ADCY5: variants seen among roughly 807,000 people sequenced by gnomAD.
ADCY5 encodes adenylate cyclase type 5.
A neutral mutation model predicts 119.7 loss-of-function variants in ADCY5; 30 were observed. That is an observed-to-expected ratio of 0.25 (90% CI 0.19 to 0.34). The LOEUF (loss-of-function observed/expected upper bound fraction) is 0.34. Ranked by LOEUF, ADCY5 falls within the 10% of genes least tolerant of loss-of-function variation. The probability of loss-of-function intolerance (pLI) is 1.00; values close to 1 mark genes in which losing one functional copy is unlikely to be tolerated. For missense variants in ADCY5, 1,324 were observed against 1,775.2 expected, an observed-to-expected ratio of 0.75 and a Z score of 4.57; for synonymous variants, 753 against 762.2, an observed-to-expected ratio of 0.99 and a Z score of 0.20.
intron 12 of ADCY5, among the ~76,000 whole-genome samples, chr3:123,310,395 C>A (rs1366788510): frequency 6.6e-6 from 1 of 152,074 alleles, no homozygotes; most frequent in Non-Finnish European, 1.5e-5. Flanking sequence ...GTGGAGCTGG[C>A]CAAAGAGGGA....
chr3:123,295,939 A>G, intron 17 of ADCY5, 145 bp downstream of exon 17: 1 of 1,192,308 alleles, frequency 8.4e-7, no homozygotes, highest in Non-Finnish European at 1.2e-6. Context: ...ACAGGGCACC[A>G]AGTGGCTTCG....
intron 1 of ADCY5, among the ~76,000 whole-genome samples, chr3:123,397,893 G>T (rs1196441697): frequency 6.6e-6 from 1 of 152,190 alleles, no homozygotes; most frequent in Non-Finnish European, 1.5e-5. Flanking sequence ...CAGTGAAGGG[G>T]ACTGTGTGGG....
At chr3:123,321,170 C>T (rs1435162529) in intron 8 of ADCY5, among the ~76,000 whole-genome samples, 3 of 152,176 alleles carry the variant, frequency 2.0e-5, no homozygotes, top group Non-Finnish European at 4.4e-5. Flanking sequence ...GCTGCACAAT[C>T]TCTGTCACAC....
At chr3:123,436,827 A>G (rs1250099386) in intron 1 of ADCY5, among the ~76,000 whole-genome samples, 2 of 152,228 alleles carry the variant, frequency 1.3e-5, no homozygotes, top group Non-Finnish European at 2.9e-5. Context: ...AATGGAAGAG[A>G]GAGGCCCAAG....
At chr3:123,368,034 C>A in intron 1 of ADCY5, 2 of 1,475,424 alleles carry the variant, frequency 1.4e-6, no homozygotes, top group Non-Finnish European at 1.8e-6. Flanking sequence ...GATCCAGGGG[C>A]CCCAGAGATT....
chr3:123,373,758 GCCCCCCCCCCCCCGA>G lies in ADCY5; in HGVS notation c.1135-21192_1135-21178del, dbSNP rs1230042859. ...TTAGCCAACAGGCCAGAAGCATCAC[GCCCCCCCCCCCCCGA>G]CCCCCCCGCAGGTAGCAGAGGATCA... On this transcript the variant is annotated intron_variant, in intron 1 of 20. Transcript: ENST00000462833. Among the ~76,000 whole-genome samples the G allele has an allele frequency of 1.9e-4, 7 of 37,092 alleles. No homozygotes were observed. The South Asian group carries it at 3.4e-3, about 18-fold the overall frequency. The allele number at this position is 37,092 out of a possible 152,430, so 24.3% of individuals were successfully genotyped here. A position where few individuals can be genotyped will look rare whatever the true frequency, so the allele number is the denominator to read the frequency against.
intron 8 of ADCY5, among the ~76,000 whole-genome samples, chr3:123,324,064 C>T (rs6806851): frequency 0.66 from 99,953 of 151,902 alleles, 35,293 homozygotes; most frequent in Non-Finnish European, 0.8. Context: ...TGGGGAAGGC[C>T]AGGTTTCTCC....
intron 1 of ADCY5, among the ~76,000 whole-genome samples, chr3:123,371,440 C>T (rs75660328): frequency 0.012 from 1,802 of 152,346 alleles, 26 homozygotes; most frequent in African/African-American, 0.039. Context: ...ACCAGTCGAT[C>T]GCAGTCCCCT....
rs1384099470 is a variant in ADCY5, at chr3:123,289,794, T to C, written c.3488A>G (p.Lys1163Arg). 1 of 1,614,092 alleles carries C rather than the reference T, an allele frequency of 6.2e-7. No individual in the cohort carries two copies. The highest frequency in any genetic ancestry group is 1.7e-5 in the Admixed American group (1 of 60,014). ...GTTGAAGGAGTGCTCATTGATGTAC[T>C]TCATCTGGTCCATCAGCTTCATGGC... The part of the protein sequence containing the change: ...DFAMKLMDQM[K>R]YINEHSFNNF... Residue 1163 changes from lysine to arginine, a missense_variant, in exon 19 of 21, where the codon AAG becomes AGG. By Grantham distance (26) the Lys-to-Arg change is conservative. Around this residue, in one of 6 missense-constraint regions of ADCY5, gnomAD observed 178 missense variants for 329.6 expected, o/e 0.54. Coordinates refer to ENST00000462833, the MANE Select transcript of ADCY5 (RefSeq NM_183357.3).
At chr3:123,319,478 C>G (rs367846279) in intron 10 of ADCY5, among the ~76,000 whole-genome samples, 196 bp downstream of exon 10, 1 of 152,130 alleles carries the variant, frequency 6.6e-6, no homozygotes. Context: ...ACAGAGAAGT[C>G]AAGGTGTATC....
At chr3:123,330,199 C>T (rs1168954388) in intron 5 of ADCY5, among the ~76,000 whole-genome samples, 2 of 152,218 alleles carry the variant, frequency 1.3e-5, no homozygotes, top group Non-Finnish European at 1.5e-5. Flanking sequence ...GCCTTCCTGG[C>T]AGCCACTCCC....
At chr3:123,318,446 C>A (rs563987062) in intron 10 of ADCY5, among the ~76,000 whole-genome samples, 145 of 152,298 alleles carry the variant, frequency 9.5e-4, no homozygotes, top group South Asian at 4.4e-3. Flanking sequence ...TGTCTACAGG[C>A]ATCATCCAGC....
intron 12 of ADCY5, among the ~76,000 whole-genome samples, chr3:123,312,676 TTCAC>T (rs897653085): frequency 1.3e-5 from 2 of 152,236 alleles, no homozygotes; most frequent in African/African-American, 4.8e-5. Context: ...TCTGGCTTCT[TTCAC>T]TCAGCGTCAT....
intron 1 of ADCY5, among the ~76,000 whole-genome samples, chr3:123,378,579 C>T (rs1222661897): frequency 6.6e-6 from 1 of 152,172 alleles, no homozygotes; most frequent in Non-Finnish European, 1.5e-5. Context: ...GATCTCACTC[C>T]TCGGGCTCCA....
chr3:123,437,805 A>G (rs1473175233), intron 1 of ADCY5, among the ~76,000 whole-genome samples: 1 of 152,184 alleles, frequency 6.6e-6, no homozygotes, highest in African/African-American at 2.4e-5. Flanking sequence ...CCAGAAAGAC[A>G]TTCAAGGGAC....
intron 16 of ADCY5, among the ~76,000 whole-genome samples, chr3:123,296,721 A>G (rs1939537467): frequency 6.6e-6 from 1 of 152,248 alleles, no homozygotes; most frequent in Non-Finnish European, 1.5e-5. Context: ...GTAAGGATTA[A>G]AGAGATATTA....
chr3:123,443,070 C>T (rs1945750357), intron 1 of ADCY5, among the ~76,000 whole-genome samples: 1 of 152,170 alleles, frequency 6.6e-6, no homozygotes, highest in South Asian at 2.1e-4. Flanking sequence ...AGTGTGTCTT[C>T]CTCCACTCTA....
At chr3:123,341,550 GGACGGTGGT>G (rs1177663999) in intron 3 of ADCY5, among the ~76,000 whole-genome samples, 1 of 152,020 alleles carries the variant, frequency 6.6e-6, no homozygotes, top group Non-Finnish European at 1.5e-5. Flanking sequence ...TTCCAGAGAT[GGACGGTGGT>G]GATGGTGGTT....
intron 1 of ADCY5, among the ~76,000 whole-genome samples, chr3:123,436,175 C>A (rs1945612599): frequency 6.6e-6 from 1 of 151,812 alleles, no homozygotes; most frequent in Admixed American, 6.6e-5. Context: ...TAGGTGTGAG[C>A]CACTGCACCT....
Sources: gnomAD v4.1 joint callset for allele counts (sites outside exome capture counted in the v4.1 genomes callset) on GRCh38, gnomAD v4.1.1 for gene constraint, gnomAD v4.1.1 regional missense constraint, MANE v1.5 for transcripts, NCBI Gene and HGNC (gene_info 2026-07-23, HGNC 2026-07-21) for gene names.